SNX13: variants seen among roughly 807,000 people sequenced by gnomAD.
SNX13 encodes the protein sorting nexin-13.
Under a neutral mutation model 133.6 loss-of-function variants are expected in SNX13, and 45 were observed. That is an observed-to-expected ratio of 0.34 (90% confidence interval 0.27 to 0.43). SNX13 has a LOEUF of 0.43. Ranked by LOEUF, SNX13 falls within the 20% of genes least tolerant of loss-of-function variation. SNX13 has a pLI of 1.00. For missense variants in SNX13, 1,032 were observed against 1,145.1 expected, an observed-to-expected ratio of 0.90 and a Z score of 1.43; for synonymous variants, 414 against 373.9, an observed-to-expected ratio of 1.11 and a Z score of -1.24.
rs768958652 is a variant in SNX13 at position 17,799,172 on chromosome 7, A to AT, written c.2299-19dup. 26 of 1,579,752 alleles carry AT rather than the reference A, an allele frequency of 1.6e-5. No homozygotes were observed. In the African/African-American group the frequency reaches 3.3e-4, roughly 20 times the overall value. ...TCATCCACCTGACAAAATATAAGAAATAAGAATAAGTTTGAGTTAGCTATC... is the reference window on the plus strand; with the variant it reads ...TCATCCACCTGACAAAATATAAGAAATTAAGAATAAGTTTGAGTTAGCTATC... On this transcript the variant is annotated intron_variant, in intron 22 of 25. Coordinates refer to ENST00000428135, the MANE Select transcript of SNX13 (RefSeq NM_015132.5).
In SNX13 at chr7:17,850,429, T is replaced by C. The variant is rs1791072420; in HGVS notation, c.983A>G (p.Asn328Ser). The C allele has an allele frequency of 6.4e-6, 10 of 1,559,158 alleles. No homozygotes were observed. Among genetic ancestry groups the C allele is most frequent in the African/African-American group, 1.4e-5 (1 of 73,782 alleles). The change falls in exon 11 of 26, where the codon AAC becomes AGC. Residue 328 changes from asparagine to serine, a missense_variant. Asn to Ser is a conservative substitution (Grantham distance 46). Coordinates refer to ENST00000428135, the MANE Select transcript of SNX13 (RefSeq NM_015132.5). ...GCTATTTATTTGATTTTTGATAGTG[T>C]TGATATCTAAAAGCAAAGAAATCAT... The part of the protein sequence containing the change: ...RSLDTAGDDI[N>S]TIKNQINSLL...
intron 9 of SNX13, among the ~76,000 whole-genome samples, chr7:17,859,321 C>T (rs555426167): frequency 4.7e-4 from 71 of 151,990 alleles, no homozygotes; most frequent in African/African-American, 1.5e-3. Context: ...CAGGAAAAGA[C>T]GCTCGGTATC....
intron 1 of SNX13, among the ~76,000 whole-genome samples, chr7:17,935,820 G>C (rs1801958168): frequency 6.6e-6 from 1 of 152,062 alleles, no homozygotes; most frequent in Non-Finnish European, 1.5e-5. Flanking sequence ...TTCTTGCTTT[G>C]GTTAGTAGCT....
intron 19 of SNX13, among the ~76,000 whole-genome samples, chr7:17,815,309 C>A (rs772346240): frequency 1.1e-4 from 16 of 152,146 alleles, no homozygotes; most frequent in Non-Finnish European, 2.1e-4. Context: ...ATAAGCTGGG[C>A]AAGGTGGCTC....
chr7:17,867,024 T>C (rs1793480602), intron 9 of SNX13, among the ~76,000 whole-genome samples: 1 of 152,226 alleles, frequency 6.6e-6, no homozygotes, highest in Non-Finnish European at 1.5e-5. Flanking sequence ...TAAAAACTTG[T>C]TAAAATTTTT....
chr7:17,930,235 T>G (rs1801243078), intron 1 of SNX13, among the ~76,000 whole-genome samples: 1 of 152,206 alleles, frequency 6.6e-6, no homozygotes, highest in Non-Finnish European at 1.5e-5. Context: ...ACCATTCATT[T>G]ATAAGTCACA....
chr7:17,872,345 C>T (rs548471352), intron 8 of SNX13, among the ~76,000 whole-genome samples: 17 of 152,154 alleles, frequency 1.1e-4, no homozygotes, highest in African/African-American at 3.9e-4. Context: ...GCAAGACATG[C>T]GAAATAATGC....
chr7:17,891,668 T>G, intron 3 of SNX13, 33 bp from the exon 4 acceptor site: 2 of 1,478,958 alleles, frequency 1.4e-6, no homozygotes, highest in Non-Finnish European at 1.9e-6. Flanking sequence ...TACTGAGTAG[T>G]TTTCTGATGT....
At chr7:17,854,735 A>G (rs10228344) in intron 9 of SNX13, among the ~76,000 whole-genome samples, 6,285 of 152,220 alleles carry the variant, frequency 0.041, 415 homozygotes, top group African/African-American at 0.14. Flanking sequence ...TCCACAACTG[A>G]CCATTCCTCC....
chr7:17,840,843 C>T lies in SNX13; in HGVS notation c.1166-843G>A, dbSNP rs7785796. On this transcript the variant is annotated intron_variant, in intron 12 of 25. Transcript: ENST00000428135. ...GAATTCTATCTCTCCACCTCCACAA[C>T]AAGTGCAATGGCAGAATCTGATGTA... 3.7e-3 allele frequency among the ~76,000 whole-genome samples: 569 copies of T among 152,198 alleles called. 1 individual carries two copies. Among genetic ancestry groups the T allele is most frequent in the Non-Finnish European group, 6.6e-3 (448 of 67,976 alleles).
At chr7:17,901,436 C>T (rs1797827436) in intron 1 of SNX13, among the ~76,000 whole-genome samples, 1 of 152,110 alleles carries the variant, frequency 6.6e-6, no homozygotes, top group Non-Finnish European at 1.5e-5. Context: ...TTAGGACCCC[C>T]GAGCACATTA....
chr7:17,791,305 C>A lies in SNX13; in HGVS notation c.*2740G>T, dbSNP rs1783511806. ...TGGTACACTTTCTGGTAGCACTTAA[C>A]TGATTGATTTTTCTTCCCAAATACC... On this transcript the variant is annotated 3_prime_UTR_variant, in exon 26 of 26. Transcript: ENST00000428135. The A allele has an allele frequency of 6.6e-6, 1 of 151,398 alleles. No homozygotes were observed. The highest frequency in any genetic ancestry group is 2.1e-4 in the South Asian group (1 of 4,816). The allele number at this position is 151,398 out of a possible 1,614,324, so 9.4% of individuals were successfully genotyped here. A position where few individuals can be genotyped will look rare whatever the true frequency, so the allele number is the denominator to read the frequency against.
chr7:17,812,715 G>A (rs141708619), intron 20 of SNX13, among the ~76,000 whole-genome samples: 150 of 152,214 alleles, frequency 9.9e-4, no homozygotes, highest in Middle Eastern at 3.4e-3. Flanking sequence ...TTGCAGCACT[G>A]TTCAAAATAG....
intron 15 of SNX13, 132 bp from the exon 16 acceptor site, chr7:17,830,179 A>AAAG: frequency 8.5e-7 from 1 of 1,173,242 alleles, no homozygotes; most frequent in Non-Finnish European, 1.1e-6. Flanking sequence ...AAAAAAAAAA[A>AAAG]AAAAATTGTG....
chr7:17,898,104 T>C (rs528076968), intron 1 of SNX13: 1 of 151,834 alleles, frequency 6.6e-6, no homozygotes, highest in Non-Finnish European at 1.5e-5. Context: ...TCATACAGAA[T>C]TATACTGTTT....
In SNX13 at chr7:17,814,918, C is replaced by G; in HGVS notation, c.1980G>C (p.Lys660Asn). The G allele has an allele frequency of 6.7e-7, 1 of 1,494,478 alleles. No individual in the cohort carries two copies. The highest frequency in any genetic ancestry group is 8.8e-7 in the Non-Finnish European group (1 of 1,134,378). 92.6% of individuals were successfully genotyped at this position (1,494,478 alleles called of 1,614,324 possible). Residue 660 changes from lysine (K) to asparagine (N), a missense_variant, in exon 20 of 26, where the codon AAG becomes AAC. Transcript: ENST00000428135. ...CATAGTGAGCTAAAGCGGGGGATGC[C>G]TTCATCATTTCAGGAGCTAACAGTA... ...LQLLLAPEMM[K>N]ASPALAHYVY...
chr7:17,893,241 A>G, intron 3 of SNX13, 91 bp downstream of exon 3: 1 of 807,802 alleles, frequency 1.2e-6, no homozygotes, highest in South Asian at 1.9e-5. Context: ...AAACTATACG[A>G]AAATTTGTCA....
chr7:17,872,147 G>C (rs1562816946), intron 8 of SNX13, among the ~76,000 whole-genome samples: 2 of 152,180 alleles, frequency 1.3e-5, no homozygotes, highest in Non-Finnish European at 2.9e-5. Flanking sequence ...ATTTGGAAAG[G>C]CGTTTAAAGC....
chr7:17,927,722 G>A (rs1800918749), intron 1 of SNX13, among the ~76,000 whole-genome samples: 1 of 152,056 alleles, frequency 6.6e-6, no homozygotes, highest in Non-Finnish European at 1.5e-5. Context: ...TAAGCACTCT[G>A]TTTGGGCCAC....
Sources: gnomAD v4.1 joint callset for allele counts (sites outside exome capture counted in the v4.1 genomes callset) on GRCh38, gnomAD v4.1.1 for gene constraint, MANE v1.5 for transcripts, NCBI Gene and HGNC (gene_info 2026-07-23, HGNC 2026-07-21) for gene names.